Variants in MACROH2A1 observed in about 807,000 individuals in gnomAD.
MACROH2A1 encodes the protein core histone macro-H2A.1.
A neutral mutation model predicts 31.6 loss-of-function variants in MACROH2A1; 2 were observed. The ratio of observed to expected loss-of-function variants is 0.06; its 90% CI spans 0.03 to 0.20. The LOEUF (loss-of-function observed/expected upper bound fraction) is 0.20. Among genes scored for constraint, MACROH2A1 ranks in the 10% least tolerant of loss-of-function variants. MACROH2A1 has a pLI of 1.00. For synonymous variants in MACROH2A1, 169 were observed against 189.6 expected (o/e 0.89, Z 0.89); for missense variants, 230 against 474.0 (o/e 0.49, Z 4.78).
At chr5:135,339,898 C>A (rs531425748) in intron 8 of MACROH2A1, among the ~76,000 whole-genome samples, 1 of 152,292 alleles carries the variant, frequency 6.6e-6, no homozygotes, top group East Asian at 1.9e-4. Context: ...CACTCCAGGC[C>A]CCCGGGCTTT....
rs1054078805 is a variant in MACROH2A1, at chr5:135,370,018, G to A, written c.279+18C>T. ...ACCACCTGCTCAAACATCAGTGGGA[G>A]ATGGGAGAGGCCCATACCTGATTCA... On this transcript the variant is annotated intron_variant, in intron 3 of 8. Transcript: ENST00000511689. 4 of 1,496,558 alleles carry A rather than the reference G, an allele frequency of 2.7e-6. No individual in the cohort carries two copies. Among genetic ancestry groups the A allele is most frequent in the Non-Finnish European group, 3.7e-6 (4 of 1,073,888 alleles). 92.7% of individuals were successfully genotyped at this position (1,496,558 alleles called of 1,614,324 possible).
At chr5:135,355,157 C>T (rs1238940435) in intron 5 of MACROH2A1, 1 of 456,096 alleles carries the variant, frequency 2.2e-6, no homozygotes, top group Non-Finnish European at 4.4e-6. Flanking sequence ...ATCTGACTCT[C>T]TTCGCGGGAG....
At chr5:135,388,499 G>A (rs1766737428) in intron 2 of MACROH2A1, among the ~76,000 whole-genome samples, 1 of 152,212 alleles carries the variant, frequency 6.6e-6, no homozygotes, top group Non-Finnish European at 1.5e-5. Context: ...CAATGTCATG[G>A]AAGATTTTTT....
chr5:135,370,074 T>C lies in MACROH2A1; in HGVS notation c.241A>G (p.Ile81Val), dbSNP rs2149845067. Residue 81 changes from isoleucine to valine, a missense_variant, in exon 3 of 9, where the codon ATC (isoleucine) becomes GTC (valine). By Grantham distance (29) the Ile-to-Val change is conservative. This residue lies in a region of MACROH2A1 where 47 missense variants were observed against 154.7 expected (regional missense o/e 0.30). Transcript: ENST00000511689. ...TCATCATTGGCCACAGCCAGCAGGA[T>C]GTGCCGGGGTGTGACCCGTCCCTTC... ...NKKGRVTPRH[I>V]LLAVANDEEL... 6.2e-7 allele frequency: 1 copy of C among 1,613,854 alleles called. No homozygotes were observed. Among genetic ancestry groups the C allele is most frequent in the Non-Finnish European group, 8.5e-7 (1 of 1,179,762 alleles).
At position 135,369,397 on chromosome 5, in the gene MACROH2A1, A is replaced by C; in HGVS notation, c.477+9T>G. On this transcript the variant is annotated intron_variant, in intron 4 of 8. Coordinates refer to ENST00000511689, the MANE Select transcript of MACROH2A1 (RefSeq NM_138610.3). The surrounding 1 kb of genome is among the most constrained non-coding windows in gnomAD (Gnocchi z 4.3). Reference sequence around the variant, plus strand: ...ATCCCACTTCATACATTCTGGCCAAATCACATACCTTGGATTTCCGGGCCC... The same window carrying C: ...ATCCCACTTCATACATTCTGGCCAACTCACATACCTTGGATTTCCGGGCCC... 1 of 1,611,944 alleles carries C rather than the reference A, an allele frequency of 6.2e-7. No individual in the cohort carries two copies. The highest frequency in any genetic ancestry group is 1.1e-5 in the South Asian group (1 of 91,024).
rs1299340244 is a variant in MACROH2A1 at position 135,369,929 on chromosome 5, C to T, written c.279+107G>A. The T allele has an allele frequency of 1.4e-6, 1 of 716,742 alleles. No individual in the cohort carries two copies. The highest frequency in any genetic ancestry group is 2.4e-6 in the Non-Finnish European group (1 of 425,268). 44.4% of individuals were successfully genotyped at this position (716,742 alleles called of 1,614,324 possible). On this transcript the variant is annotated intron_variant, in intron 3 of 8. Transcript: ENST00000511689. This position sits in a 1 kb window ranked among gnomAD's most constrained non-coding sequence, Gnocchi z 4.3. Reference sequence around the variant, plus strand: ...AGAAGCTGCTAATTAATCCAAAAGGCAGTCCACACCTTTCATAACCAGCCA... The same window carrying T: ...AGAAGCTGCTAATTAATCCAAAAGGTAGTCCACACCTTTCATAACCAGCCA...
At chr5:135,358,513 T>C in intron 5 of MACROH2A1, 1 of 985,302 alleles carries the variant, frequency 1.0e-6, no homozygotes, top group African/African-American at 1.7e-5. Flanking sequence ...GGGGGTGATA[T>C]GGGAAAGAAG....
At chr5:135,381,174 A>G (rs1277187799) in intron 2 of MACROH2A1, among the ~76,000 whole-genome samples, 1 of 152,224 alleles carries the variant, frequency 6.6e-6, no homozygotes, top group Non-Finnish European at 1.5e-5. Context: ...AACCATGTGA[A>G]ATAAAATTAA....
chr5:135,388,432 C>T (rs1365717137), intron 2 of MACROH2A1, among the ~76,000 whole-genome samples: 1 of 152,212 alleles, frequency 6.6e-6, no homozygotes, highest in Non-Finnish European at 1.5e-5. Context: ...AATCCTGAAA[C>T]CAACCCAGAT....
At chr5:135,389,916 AT>A (rs752953939) in intron 1 of MACROH2A1, among the ~76,000 whole-genome samples, 1 of 152,140 alleles carries the variant, frequency 6.6e-6, no homozygotes, top group Non-Finnish European at 1.5e-5. Context: ...GGGTGGGGCA[AT>A]CTGGGTACAC....
intron 2 of MACROH2A1, among the ~76,000 whole-genome samples, chr5:135,376,344 G>A (rs1011322915): frequency 1.3e-5 from 2 of 152,114 alleles, no homozygotes. Context: ...AGCTTAATTT[G>A]GGAATCTGTA....
Position 135,393,710 on chromosome 5 carries a change from C to A in MACROH2A1, c.-33-4584G>T, listed in dbSNP as rs1243700238. ...TTGAAAACAATGATAGGTCCTCAGGCAACTGTGTCTGTTCATCATTGCACA... is the reference window on the plus strand; with the variant it reads ...TTGAAAACAATGATAGGTCCTCAGGAAACTGTGTCTGTTCATCATTGCACA... On this transcript the variant is annotated intron_variant, in intron 1 of 8. Transcript: ENST00000511689. 4.6e-5 allele frequency among the ~76,000 whole-genome samples: 7 copies of A among 152,180 alleles called. 1 individual carries two copies. The East Asian group carries it at 1.3e-3, about 29-fold the overall frequency.
In MACROH2A1 at chr5:135,398,304, T is replaced by C. The variant is rs1768303684; in HGVS notation, c.-34+758A>G. Among the ~76,000 whole-genome samples the C allele has an allele frequency of 6.6e-6, 1 of 152,090 alleles. No homozygotes were observed. Among genetic ancestry groups the C allele is most frequent in the African/African-American group, 2.4e-5 (1 of 41,420 alleles). On this transcript the variant is annotated intron_variant, in intron 1 of 8. Transcript: ENST00000511689. The surrounding 1 kb of genome is among the most constrained non-coding windows in gnomAD (Gnocchi z 4.6). ...CTCCACCCCACCCCCAGCGAGGCTC[T>C]TTCCTGCTGGCCTTCTCCACCCGGG...
At chr5:135,350,172 C>A (rs547024014) in intron 6 of MACROH2A1, among the ~76,000 whole-genome samples, 2 of 152,290 alleles carry the variant, frequency 1.3e-5, no homozygotes, top group East Asian at 3.9e-4. Context: ...ACCAACAATG[C>A]CTTATCAGCT....
chr5:135,344,304 C>T (rs868608715), intron 7 of MACROH2A1: 13 of 152,340 alleles, frequency 8.5e-5, no homozygotes, highest in African/African-American at 2.2e-4. Flanking sequence ...CAAGAGCACA[C>T]CAGAGTCTCC....
Position 135,369,714 on chromosome 5 carries a change from T to A in MACROH2A1, c.280-111A>T, listed in dbSNP as rs572269855. Reference sequence around the variant, plus strand: ...GCTTTGGGTTGGTGCAGCTCCTTCCTCCATGGCATCCTCCATGAGGATGCT... The same window carrying A: ...GCTTTGGGTTGGTGCAGCTCCTTCCACCATGGCATCCTCCATGAGGATGCT... On this transcript the variant is annotated intron_variant, in intron 3 of 8. Transcript: ENST00000511689. The surrounding 1 kb of genome is among the most constrained non-coding windows in gnomAD (Gnocchi z 4.3). 1.1e-3 allele frequency: 839 copies of A among 771,318 alleles called. 4 individuals carry two copies. Among genetic ancestry groups the A allele is most frequent in the Non-Finnish European group, 1.4e-3 (652 of 462,948 alleles). The allele number at this position is 771,318 out of a possible 1,614,324, so 47.8% of individuals were successfully genotyped here. A position where few individuals can be genotyped will look rare whatever the true frequency, so the allele number is the denominator to read the frequency against.
At chr5:135,352,075 A>G (rs1470979077) in intron 6 of MACROH2A1, among the ~76,000 whole-genome samples, 1 of 152,196 alleles carries the variant, frequency 6.6e-6, no homozygotes, top group African/African-American at 2.4e-5. Context: ...CCAGTAAGGA[A>G]GTCTGCTATC....
intron 6 of MACROH2A1, 79 bp from the exon 7 acceptor site, chr5:135,346,136 C>T: frequency 1.2e-6 from 1 of 847,726 alleles, no homozygotes; most frequent in Non-Finnish European, 2.1e-6. Context: ...CAGGTGATTA[C>T]ATACTTCAAA....
chr5:135,356,458 A>G (rs1318680901), intron 5 of MACROH2A1: 1 of 152,388 alleles, frequency 6.6e-6, no homozygotes, highest in Non-Finnish European at 1.5e-5. Flanking sequence ...AGTGCTGCAC[A>G]GTGCCTAAGC....
Sources: gnomAD v4.1 joint callset for allele counts (sites outside exome capture counted in the v4.1 genomes callset) on GRCh38, gnomAD v4.1.1 for gene constraint, gnomAD v4.1.1 regional missense constraint, Gnocchi (gnomAD v3.1) non-coding constraint, MANE v1.5 for transcripts, NCBI Gene and HGNC (gene_info 2026-07-23, HGNC 2026-07-21) for gene names.